Variants in BRAF observed in about 807,000 individuals in gnomAD.
The protein encoded by BRAF is B-Raf proto-oncogene, serine/threonine kinase, also known as serine/threonine-protein kinase B-raf.
In BRAF, 16 loss-of-function variants were observed where a neutral mutation model predicts 104.6. The observed-to-expected ratio is 0.15, with a 90% CI of 0.10 to 0.23. BRAF has a LOEUF of 0.23. BRAF is among the 10% of genes least tolerant of loss of function. The pLI, the probability that BRAF is intolerant of heterozygous loss-of-function variation, is 1.00. For missense variants in BRAF, 541 were observed against 937.3 expected, an observed-to-expected ratio of 0.58 and a Z score of 5.52; for synonymous variants, 310 against 341.6, an observed-to-expected ratio of 0.91 and a Z score of 1.02.
At chr7:140,764,538 T>C (rs898460984) in intron 14 of BRAF, among the ~76,000 whole-genome samples, 1 of 151,572 alleles carries the variant, frequency 6.6e-6, no homozygotes, top group African/African-American at 2.4e-5. Flanking sequence ...TGATTGTATA[T>C]CTAGAAAACC....
chr7:140,788,403 T>C (rs1801612914), intron 8 of BRAF, among the ~76,000 whole-genome samples: 1 of 152,186 alleles, frequency 6.6e-6, no homozygotes, highest in South Asian at 2.1e-4. Context: ...AAAATTATGG[T>C]GTATCAATTT....
intron 1 of BRAF, among the ~76,000 whole-genome samples, chr7:140,867,253 A>C (rs777936657): frequency 2.0e-5 from 3 of 152,200 alleles, no homozygotes; most frequent in African/African-American, 7.2e-5. Flanking sequence ...AATTACTCAT[A>C]TATTGCATGG....
chr7:140,778,096 C>T, intron 12 of BRAF, 21 bp from the exon 12 acceptor site: 1 of 1,610,574 alleles, frequency 6.2e-7, no homozygotes, highest in Non-Finnish European at 8.5e-7. Context: ...ATTGTTACTC[C>T]AAGTGTCATT....
chr7:140,752,445 G>T (rs1797867149), intron 16 of BRAF, among the ~76,000 whole-genome samples: 1 of 152,174 alleles, frequency 6.6e-6, no homozygotes, highest in Non-Finnish European at 1.5e-5. Flanking sequence ...AGAAAATCTT[G>T]TCTCACAAAG....
At chr7:140,798,272 C>T (rs28615534) in intron 7 of BRAF, among the ~76,000 whole-genome samples, 8,350 of 115,376 alleles carry the variant, frequency 0.072, 453 homozygotes, top group Middle Eastern at 0.16. Flanking sequence ...CTTTTTTTTT[C>T]TTTTTTTTGA....
chr7:140,724,368 G>C lies in BRAF; in HGVS notation c.*2126C>G, dbSNP rs1795482217. ...ACAGCCACATTTAAAAGCATCTAGA[G>C]ATATATTTAAAAAGAAAAAACAGCC... On this transcript the variant is annotated 3_prime_UTR_variant, in exon 20 of 20. Coordinates refer to ENST00000644969, the MANE Select transcript of BRAF (RefSeq NM_001374258.1). 2 of 1,054,882 alleles carry C rather than the reference G, an allele frequency of 1.9e-6. No individual in the cohort carries two copies. The highest frequency in any genetic ancestry group is 1.7e-5 in the African/African-American group (1 of 60,424). The allele number at this position is 1,054,882 out of a possible 1,614,324, so 65.3% of individuals were successfully genotyped here.
At chr7:140,841,378 T>A (rs1426129543) in intron 2 of BRAF, among the ~76,000 whole-genome samples, 1 of 152,202 alleles carries the variant, frequency 6.6e-6, no homozygotes, top group East Asian at 1.9e-4. Context: ...GACCCAGCAA[T>A]TCTATTCCTA....
chr7:140,817,931 G>A (rs1160341541), intron 3 of BRAF, among the ~76,000 whole-genome samples: 1 of 152,144 alleles, frequency 6.6e-6, no homozygotes, highest in African/African-American at 2.4e-5. Flanking sequence ...AGATCTGTAT[G>A]TGTTAACATA....
At chr7:140,865,009 G>A (rs768941834) in intron 1 of BRAF, among the ~76,000 whole-genome samples, 21 of 152,158 alleles carry the variant, frequency 1.4e-4, no homozygotes, top group Non-Finnish European at 2.8e-4. Flanking sequence ...TAATTTCTCA[G>A]TAAAGTTTGA....
intron 1 of BRAF, among the ~76,000 whole-genome samples, chr7:140,890,412 T>C (rs960679061): frequency 1.3e-5 from 2 of 152,182 alleles, no homozygotes; most frequent in Non-Finnish European, 2.9e-5. Flanking sequence ...CTCAGGCTCA[T>C]GCTAGGAGTT....
chr7:140,784,369 A>G (rs1211522563), intron 10 of BRAF, among the ~76,000 whole-genome samples: 1 of 152,152 alleles, frequency 6.6e-6, no homozygotes, highest in East Asian at 1.9e-4. Flanking sequence ...TCTACCTTCC[A>G]TTGATAATTT....
At chr7:140,853,383 A>G (rs970999020) in intron 1 of BRAF, among the ~76,000 whole-genome samples, 2 of 152,118 alleles carry the variant, frequency 1.3e-5, no homozygotes, top group African/African-American at 2.4e-5. Flanking sequence ...AAACAAAACT[A>G]TAACTGCAGA....
At chr7:140,774,595 C>G (rs1276921537) in intron 14 of BRAF, among the ~76,000 whole-genome samples, 3 of 152,188 alleles carry the variant, frequency 2.0e-5, no homozygotes, top group South Asian at 2.1e-4. Flanking sequence ...CGACTCCTTG[C>G]ATCCTCACAC....
intron 1 of BRAF, among the ~76,000 whole-genome samples, chr7:140,879,181 ATTTAT>A (rs1238945951): frequency 6.6e-6 from 1 of 151,704 alleles, no homozygotes; most frequent in African/African-American, 2.4e-5. Context: ...CCTGGCCATA[ATTTAT>A]TTTATTTTAT....
chr7:140,853,177 G>C (rs572210910), intron 1 of BRAF, among the ~76,000 whole-genome samples: 121 of 151,026 alleles, frequency 8.0e-4, no homozygotes, highest in African/African-American at 2.9e-3. Context: ...GGGAGGCTGA[G>C]ACGGGAGGAT....
In BRAF at chr7:140,726,599, C is replaced by A. The variant is rs1795610183; in HGVS notation, c.2402-83G>T. 6 of 1,198,540 alleles carry A rather than the reference C, an allele frequency of 5.0e-6. No homozygotes were observed. In the Admixed American group the frequency reaches 1.3e-4, roughly 26 times the overall value. The allele number at this position is 1,198,540 out of a possible 1,614,324, so 74.2% of individuals were successfully genotyped here. A position where few individuals can be genotyped will look rare whatever the true frequency, so the allele number is the denominator to read the frequency against. On this transcript the variant is annotated intron_variant, in intron 19 of 19. Transcript: ENST00000644969. ...ACAGAAAAGCCTCATTTGAGCTTCA[C>A]TGAAAAGTAACTAGTTATATATTTC... is the stretch of plus-strand genomic sequence containing the variant.
chr7:140,842,564 T>C (rs1808079895), intron 2 of BRAF, among the ~76,000 whole-genome samples: 1 of 152,166 alleles, frequency 6.6e-6, no homozygotes, highest in African/African-American at 2.4e-5. Context: ...AAGAATCTAC[T>C]ACTAGAAAAG....
chr7:140,906,294 T>C (rs1816326683), intron 1 of BRAF, among the ~76,000 whole-genome samples: 1 of 151,966 alleles, frequency 6.6e-6, no homozygotes, highest in Non-Finnish European at 1.5e-5. Context: ...CTCAACCTCC[T>C]GGGCTCAAGC....
intron 14 of BRAF, among the ~76,000 whole-genome samples, chr7:140,763,427 T>C (rs1443145150): frequency 5.4e-5 from 8 of 148,152 alleles, no homozygotes; most frequent in Non-Finnish European, 8.9e-5. Flanking sequence ...GAGGCGCCCC[T>C]CACCTCCCGG....
Sources: gnomAD v4.1 joint callset for allele counts (sites outside exome capture counted in the v4.1 genomes callset) on GRCh38, gnomAD v4.1.1 for gene constraint, MANE v1.5 for transcripts, NCBI Gene and HGNC (gene_info 2026-07-23, HGNC 2026-07-21) for gene names.